Variants in NRXN2 observed in about 807,000 individuals in gnomAD.
NRXN2 encodes neurexin 2, also known as neurexin-2-beta.
A neutral mutation model predicts 128.8 loss-of-function variants in NRXN2; 29 were observed. The ratio of observed to expected loss-of-function variants is 0.23; its 90% confidence interval spans 0.17 to 0.31. The LOEUF is 0.31. Among genes scored for constraint, NRXN2 ranks in the 10% least tolerant of loss-of-function variants. NRXN2 has a pLI of 1.00. For missense variants in NRXN2, 1,881 were observed against 2,452.6 expected (o/e 0.77, Z 4.92); for synonymous variants, 1,098 against 1,075.2 (o/e 1.02, Z -0.41).
At position 64,632,260 on chromosome 11, in the gene NRXN2, T is replaced by C. The variant is rs2044021620; in HGVS notation, c.3586-1687A>G. Among the ~76,000 whole-genome samples the C allele has an allele frequency of 6.6e-6, 1 of 152,124 alleles. No individual in the cohort carries two copies. The highest frequency in any genetic ancestry group is 1.5e-5 in the Non-Finnish European group (1 of 68,012). ...AGAACCTGGGAAAACCACATACATA[T>C]ATGCATGCATGCACGCTAACACACA... On this transcript the variant is annotated intron_variant, in intron 18 of 22. Transcript: ENST00000265459. This position sits in a 1 kb window ranked among gnomAD's most constrained non-coding sequence, Gnocchi z 4.2.
chr11:64,620,150 G>T (rs1199899722), intron 22 of NRXN2, 144 bp downstream of exon 22: 1 of 690,470 alleles, frequency 1.4e-6, no homozygotes, highest in Non-Finnish European at 2.6e-6. Flanking sequence ...GGACTGGGAG[G>T]ATGTTAGGCA....
At chr11:64,642,931 C>CA in intron 17 of NRXN2, 1 of 1,025,276 alleles carries the variant, frequency 9.8e-7, no homozygotes, top group Non-Finnish European at 1.2e-6. Flanking sequence ...GGAGGTAAAC[C>CA]AGGGCCCAAG....
intron 1 of NRXN2, among the ~76,000 whole-genome samples, chr11:64,717,961 G>C (rs1290499042): frequency 6.6e-6 from 1 of 152,176 alleles, no homozygotes; most frequent in Non-Finnish European, 1.5e-5. Flanking sequence ...GCCCACTCCT[G>C]GGACTGGGAG....
rs2057118492 is a variant in NRXN2 at position 64,713,204 on chromosome 11, G to C, written c.496C>G (p.Leu166Val). 12 of 1,468,742 alleles carry C rather than the reference G, an allele frequency of 8.2e-6. No homozygotes were observed. The highest frequency in any genetic ancestry group is 1.1e-5 in the Non-Finnish European group (12 of 1,114,148). 91.0% of individuals were successfully genotyped at this position (1,468,742 alleles called of 1,614,324 possible). A position where few individuals can be genotyped will look rare whatever the true frequency, so the allele number is the denominator to read the frequency against. Residue 166 changes from leucine to valine, a missense_variant, in exon 2 of 23, where the codon CTG becomes GTG. Transcript: ENST00000265459. ...PPDVRLSALT[L>V]STVKYEPPFR... ...GGCGGCTCGTACTTGACGGTGCTCA[G>C]CGTAAGCGCCGAGAGGCGCACGTCG...
intron 2 of NRXN2, among the ~76,000 whole-genome samples, chr11:64,712,232 CCA>C (rs1302843289): frequency 6.8e-6 from 1 of 147,538 alleles, no homozygotes; most frequent in South Asian, 2.2e-4. Context: ...CACTGGCCTT[CCA>C]CACAGACCCC....
intron 1 of NRXN2, among the ~76,000 whole-genome samples, chr11:64,721,249 T>C (rs554631660): frequency 2.2e-4 from 34 of 151,726 alleles, no homozygotes; most frequent in Admixed American, 1.6e-3. Context: ...CAGCTGGACC[T>C]GGGTAGTGAC....
chr11:64,716,991 A>C, intron 1 of NRXN2, among the ~76,000 whole-genome samples: 1 of 148,346 alleles, frequency 6.7e-6, no homozygotes, highest in African/African-American at 2.5e-5. Context: ...CCTCCAACCC[A>C]CCCTTCTCCC....
rs539895142 is a variant in NRXN2, at chr11:64,632,793, C to T, written c.3586-2220G>A. Among the ~76,000 whole-genome samples, 4 of 152,328 alleles carry T rather than the reference C, an allele frequency of 2.6e-5. No individual in the cohort carries two copies. Among genetic ancestry groups the T allele is most frequent in the East Asian group, 3.9e-4 (2 of 5,184 alleles). ...ATTCCCCAATTACCTCATTAGGCGG[C>T]GGTGGGGAGAACGAAGCCGCTCCTA... On this transcript the variant is annotated intron_variant, in intron 18 of 22. Coordinates refer to ENST00000265459, the MANE Select transcript of NRXN2 (RefSeq NM_015080.4). This position sits in a 1 kb window ranked among gnomAD's most constrained non-coding sequence, Gnocchi z 4.2.
At position 64,622,954 on chromosome 11, in the gene NRXN2, G is replaced by A. The variant is rs756952412; in HGVS notation, c.3972C>T (p.Ala1324=). ...YYNGLKVLAL[A]AESDPNVRTE... Reference sequence around the variant, plus strand: ...TCCGCACATTGGGGTCGCTCTCGGCGGCCAGCGCCAGCACCTTGAGCCCAT... The same window carrying A: ...TCCGCACATTGGGGTCGCTCTCGGCAGCCAGCGCCAGCACCTTGAGCCCAT... Residue 1324 remains alanine (A), a synonymous_variant, in exon 21 of 23, where the codon GCC becomes GCT. Transcript: ENST00000265459. The surrounding 1 kb of genome is among the most constrained non-coding windows in gnomAD (Gnocchi z 4.3). 1.4e-5 allele frequency: 22 copies of A among 1,613,300 alleles called. No individual in the cohort carries two copies. In the East Asian group the frequency reaches 3.6e-4, roughly 26 times the overall value.
intron 1 of NRXN2, among the ~76,000 whole-genome samples, chr11:64,722,584 C>A (rs535264350): frequency 4.3e-4 from 65 of 152,076 alleles, no homozygotes; most frequent in Admixed American, 2.2e-3. Context: ...GCTGGTTAGA[C>A]CCTCCAGAAC....
chr11:64,633,476 G>A (rs937003773), intron 18 of NRXN2, among the ~76,000 whole-genome samples: 4 of 152,202 alleles, frequency 2.6e-5, no homozygotes, highest in African/African-American at 7.2e-5. Flanking sequence ...CAGCAAGGAA[G>A]TGGCAAAGTT....
chr11:64,683,467 G>T (rs1212039), intron 6 of NRXN2, among the ~76,000 whole-genome samples: 7 of 151,892 alleles, frequency 4.6e-5, no homozygotes, highest in African/African-American at 1.5e-4. Flanking sequence ...TAAAAATACA[G>T]AAATTAGCTG....
At chr11:64,628,127 T>C (rs1434298642) in intron 19 of NRXN2, among the ~76,000 whole-genome samples, 1 of 152,202 alleles carries the variant, frequency 6.6e-6, no homozygotes, top group Non-Finnish European at 1.5e-5. Context: ...TATACAAAAA[T>C]TCTAATAAAA....
intron 17 of NRXN2, chr11:64,643,151 G>A (rs2046015759): frequency 3.1e-6 from 3 of 980,958 alleles, no homozygotes; most frequent in Non-Finnish European, 2.4e-6. Context: ...GAGAGGGAGG[G>A]GAGCGCGGGG....
chr11:64,638,840 A>T (rs1377450287), intron 17 of NRXN2, among the ~76,000 whole-genome samples: 1 of 152,182 alleles, frequency 6.6e-6, no homozygotes, highest in African/African-American at 2.4e-5. Context: ...CCCATGTCCA[A>T]TATAGTCTCC....
intron 17 of NRXN2, among the ~76,000 whole-genome samples, chr11:64,637,917 A>G (rs575248004): frequency 1.3e-5 from 2 of 152,284 alleles, no homozygotes; most frequent in South Asian, 4.1e-4. Flanking sequence ...GCAGGCAGTG[A>G]GGCAGGAGGG....
intron 2 of NRXN2, among the ~76,000 whole-genome samples, chr11:64,698,578 G>A (rs1430321708): frequency 6.6e-6 from 1 of 152,232 alleles, no homozygotes; most frequent in African/African-American, 2.4e-5. Context: ...ATCTGGATGA[G>A]GCCAAGGGCC....
At position 64,651,108 on chromosome 11, in the gene NRXN2, G is replaced by A. The variant is rs2047399947; in HGVS notation, c.2918+147C>T. 9.4e-7 allele frequency: 1 copy of A among 1,065,348 alleles called. No individual in the cohort carries two copies. Among genetic ancestry groups the A allele is most frequent in the Non-Finnish European group, 1.4e-6 (1 of 713,798 alleles). 66.0% of individuals were successfully genotyped at this position (1,065,348 alleles called of 1,614,324 possible). On this transcript the variant is annotated intron_variant, in intron 14 of 22. Transcript: ENST00000265459. This position sits in a 1 kb window ranked among gnomAD's most constrained non-coding sequence, Gnocchi z 5.9. ...CTTCTCCATCTTGGCTGAAGAGGGA[G>A]CCTCTCGACTTACGGTCGGGGACCT...
intron 17 of NRXN2, among the ~76,000 whole-genome samples, chr11:64,647,207 TTGTGTG>T (rs10535079): frequency 1.1e-3 from 156 of 146,642 alleles, no homozygotes; most frequent in African/African-American, 2.9e-3. Context: ...AGACGCTTCG[TTGTGTG>T]TGTGTGTGTG....
Sources: allele counts gnomAD v4.1 joint callset (sites outside exome capture counted in the v4.1 genomes callset), GRCh38; gene constraint gnomAD v4.1.1; non-coding constraint Gnocchi (gnomAD v3.1); transcripts MANE v1.5; gene names NCBI Gene and HGNC (gene_info 2026-07-23, HGNC 2026-07-21).